PTPRM: variants seen among roughly 807,000 people sequenced by gnomAD.
PTPRM encodes the protein receptor-type tyrosine-protein phosphatase mu.
Under a neutral mutation model 186.7 loss-of-function variants are expected in PTPRM, and 47 were observed. The observed-to-expected ratio is 0.25, with a 90% CI of 0.20 to 0.32. The LOEUF (loss-of-function observed/expected upper bound fraction) is 0.32. PTPRM is among the 10% of genes least tolerant of loss of function. The pLI is 1.00. For synonymous variants in PTPRM, 668 were observed against 674.9 expected, an observed-to-expected ratio of 0.99 and a Z score of 0.16; for missense variants, 1,494 against 1,865.0, an observed-to-expected ratio of 0.80 and a Z score of 3.66.
At position 7,982,766 on chromosome 18, in the gene PTPRM, C is replaced by T. The variant is rs189631860; in HGVS notation, c.1132+27352C>T. 1.4e-3 allele frequency among the ~76,000 whole-genome samples: 218 copies of T among 152,122 alleles called. 1 individual carries two copies. Among genetic ancestry groups the T allele is most frequent in the Non-Finnish European group, 2.2e-3 (152 of 68,002 alleles). On this transcript the variant is annotated intron_variant, in intron 7 of 32. Transcript: ENST00000580170. ...TTAGGACAGCTAGGATGTCACTAGG[C>T]GGCTGGAAGTTTTCAGCTCCAGCAT...
chr18:8,296,508 G>A, intron 20 of PTPRM, 53 bp downstream of exon 20: 1 of 1,348,068 alleles, frequency 7.4e-7, no homozygotes, highest in Non-Finnish European at 1.1e-6. Flanking sequence ...TTTGCATCTA[G>A]TAAGATTGAC....
chr18:8,267,700 C>T (rs542505532), intron 19 of PTPRM, among the ~76,000 whole-genome samples: 2 of 152,272 alleles, frequency 1.3e-5, no homozygotes, highest in South Asian at 4.1e-4. Context: ...TCATTACATA[C>T]TCCTGTTTTG....
chr18:7,992,160 A>G (rs1439297845), intron 7 of PTPRM, among the ~76,000 whole-genome samples: 3 of 152,054 alleles, frequency 2.0e-5, no homozygotes, highest in Admixed American at 6.6e-5. Context: ...TCCTGCTTCC[A>G]CCAGAGCACC....
intron 14 of PTPRM, among the ~76,000 whole-genome samples, chr18:8,162,343 C>T (rs1353060738): frequency 1.3e-5 from 2 of 152,188 alleles, no homozygotes; most frequent in Admixed American, 6.5e-5. Flanking sequence ...TCAGGTGATC[C>T]GCCCACCTTG....
At position 7,973,637 on chromosome 18, in the gene PTPRM, C is replaced by T. The variant is rs143086396; in HGVS notation, c.1132+18223C>T. 5.0e-3 allele frequency among the ~76,000 whole-genome samples: 754 copies of T among 152,112 alleles called. 7 individuals are homozygous for T. The highest frequency in any genetic ancestry group is 0.017 in the African/African-American group (714 of 41,514). ...TTTTCAAAATATTTTTCTTATTCTACCATTTGCTGTTGACTTTATTTGTGG... is the reference window on the plus strand; with the variant it reads ...TTTTCAAAATATTTTTCTTATTCTATCATTTGCTGTTGACTTTATTTGTGG... On this transcript the variant is annotated intron_variant, in intron 7 of 32. Transcript: ENST00000580170.
chr18:8,274,589 G>A (rs2094811592), intron 19 of PTPRM, among the ~76,000 whole-genome samples: 1 of 151,180 alleles, frequency 6.6e-6, no homozygotes, highest in South Asian at 2.1e-4. Context: ...CATTGCTCTT[G>A]GAAGGCCATT....
intron 1 of PTPRM, among the ~76,000 whole-genome samples, chr18:7,579,991 G>A (rs1044991109): frequency 1.3e-5 from 2 of 152,176 alleles, no homozygotes; most frequent in Non-Finnish European, 2.9e-5. Flanking sequence ...TTTGGCCAAG[G>A]AAGAAAGGTC....
chr18:7,881,159 G>C (rs1265659785), intron 2 of PTPRM, among the ~76,000 whole-genome samples: 1 of 152,146 alleles, frequency 6.6e-6, no homozygotes, highest in African/African-American at 2.4e-5. Flanking sequence ...ATATTGGCGT[G>C]GCACAGTGGC....
At chr18:8,079,571 AT>A (rs2090017203) in intron 9 of PTPRM, among the ~76,000 whole-genome samples, 1 of 152,170 alleles carries the variant, frequency 6.6e-6, no homozygotes, top group Non-Finnish European at 1.5e-5. Context: ...AGTTTAATAA[AT>A]ATTATCAAAC....
At chr18:7,776,542 T>C (rs906405608) in intron 2 of PTPRM, among the ~76,000 whole-genome samples, 6 of 152,042 alleles carry the variant, frequency 3.9e-5, no homozygotes, top group African/African-American at 1.5e-4. Flanking sequence ...TTAAACAAAC[T>C]TTAGTCATTA....
intron 13 of PTPRM, among the ~76,000 whole-genome samples, chr18:8,127,786 G>A (rs140482260): frequency 5.3e-5 from 8 of 152,100 alleles, no homozygotes; most frequent in South Asian, 4.2e-4. Context: ...TGTTTCCATC[G>A]ATGCGCTTTC....
At chr18:8,274,016 ATT>A (rs1207340368) in intron 19 of PTPRM, among the ~76,000 whole-genome samples, 1 of 152,050 alleles carries the variant, frequency 6.6e-6, no homozygotes, top group Non-Finnish European at 1.5e-5. Flanking sequence ...GCTTGAAACC[ATT>A]GTCACTGTAC....
chr18:7,906,043 A>G (rs2049963803), intron 3 of PTPRM, among the ~76,000 whole-genome samples: 1 of 152,104 alleles, frequency 6.6e-6, no homozygotes, highest in African/African-American at 2.4e-5. Context: ...ATCTCTCACA[A>G]GCTCAACCCT....
chr18:8,154,347 C>T (rs999894675), intron 14 of PTPRM, among the ~76,000 whole-genome samples: 2 of 152,186 alleles, frequency 1.3e-5, no homozygotes. Flanking sequence ...TCCTCTACCG[C>T]AGCATTCTGA....
intron 2 of PTPRM, among the ~76,000 whole-genome samples, chr18:7,775,527 G>T (rs903398115): frequency 6.6e-6 from 1 of 152,000 alleles, no homozygotes; most frequent in African/African-American, 2.4e-5. Flanking sequence ...GTCTTCCCCT[G>T]ATGGCCTTTT....
At chr18:8,333,206 G>T (rs774493649) in intron 22 of PTPRM, among the ~76,000 whole-genome samples, 5 of 152,130 alleles carry the variant, frequency 3.3e-5, no homozygotes, top group Non-Finnish European at 7.4e-5. Context: ...TCTCAACTTT[G>T]CTTTTCCTTT....
chr18:8,144,346 G>A (rs2092832096), intron 14 of PTPRM, among the ~76,000 whole-genome samples: 1 of 152,112 alleles, frequency 6.6e-6, no homozygotes, highest in African/African-American at 2.4e-5. Flanking sequence ...GGGCACCGTG[G>A]CTCATGCCTG....
chr18:7,747,366 G>C (rs2041017694), intron 1 of PTPRM, among the ~76,000 whole-genome samples: 1 of 152,172 alleles, frequency 6.6e-6, no homozygotes, highest in South Asian at 2.1e-4. Context: ...GCCTCCATGA[G>C]CTCCTGTTTC....
intron 1 of PTPRM, among the ~76,000 whole-genome samples, chr18:7,602,650 CT>C (rs898410835): frequency 2.3e-4 from 33 of 146,412 alleles, no homozygotes; most frequent in Middle Eastern, 3.5e-3. Context: ...TGTGGCAATG[CT>C]TTTTTTTTTA....
Sources: allele counts gnomAD v4.1 joint callset (sites outside exome capture counted in the v4.1 genomes callset), GRCh38; gene constraint gnomAD v4.1.1; transcripts MANE v1.5; gene names NCBI Gene and HGNC (gene_info 2026-07-23, HGNC 2026-07-21).